Variants in PCDHA6 observed in about 807,000 individuals in gnomAD.
PCDHA6 encodes the protein protocadherin alpha 6.
PCDHA6 carries 55 observed loss-of-function variants against 60.3 expected under a neutral mutation model. That is an observed-to-expected ratio of 0.91 (90% confidence interval 0.73 to 1.14). PCDHA6 has a LOEUF of 1.14. PCDHA6 is among the 50% of genes most tolerant of loss of function. The probability of loss-of-function intolerance (pLI) is 0.00; values close to 1 mark genes in which losing one functional copy is unlikely to be tolerated. For missense variants in PCDHA6, 1,327 were observed against 1,256.5 expected (o/e 1.06, Z -0.85); for synonymous variants, 652 against 557.9 (o/e 1.17, Z -2.38).
At chr5:140,883,759 G>A (rs1554179777) in intron 1 of PCDHA6, 1 of 1,612,704 alleles carries the variant, frequency 6.2e-7, no homozygotes, top group African/African-American at 1.3e-5. Context: ...TGGTGGAGCG[G>A]CGGGTGGGCG....
At chr5:140,856,271 G>A (rs782472888) in intron 1 of PCDHA6, 1 of 1,598,148 alleles carries the variant, frequency 6.3e-7, no homozygotes, top group Admixed American at 1.7e-5. Flanking sequence ...GGACCTTCTG[G>A]AGGTAAATCT....
intron 1 of PCDHA6, chr5:140,926,693 C>G (rs576013331): frequency 3.9e-4 from 291 of 742,942 alleles, no homozygotes; most frequent in Non-Finnish European, 5.0e-4. Flanking sequence ...CTAGCAAGCC[C>G]GGCTCCCAGC....
chr5:140,988,578 C>A (rs1490917539), intron 3 of PCDHA6, among the ~76,000 whole-genome samples: 1 of 152,138 alleles, frequency 6.6e-6, no homozygotes, highest in African/African-American at 2.4e-5. Context: ...ACACTCTGTA[C>A]CTTCCACTTT....
At chr5:140,969,535 T>C (rs1221394283) in intron 1 of PCDHA6, 27 of 1,341,822 alleles carry the variant, frequency 2.0e-5, no homozygotes, top group Non-Finnish European at 2.5e-5. Flanking sequence ...TTTTTCATTT[T>C]CAGAGGCATG....
intron 1 of PCDHA6, among the ~76,000 whole-genome samples, chr5:140,965,996 A>G (rs2095956267): frequency 6.6e-6 from 1 of 152,102 alleles, no homozygotes; most frequent in South Asian, 2.1e-4. Context: ...TGCAGTACTT[A>G]AGAGTGTCCA....
chr5:140,887,335 A>G (rs1360547523), intron 1 of PCDHA6, among the ~76,000 whole-genome samples: 1 of 152,102 alleles, frequency 6.6e-6, no homozygotes, highest in African/African-American at 2.4e-5. Flanking sequence ...TGACCTCGTG[A>G]TCCACCTGGC....
At chr5:140,941,150 G>T (rs894422349) in intron 1 of PCDHA6, among the ~76,000 whole-genome samples, 1 of 151,436 alleles carries the variant, frequency 6.6e-6, no homozygotes, top group Non-Finnish European at 1.5e-5. Context: ...TAGTTTGGAG[G>T]CCCCATAAGA....
intron 1 of PCDHA6, chr5:140,869,245 A>G: frequency 1.2e-6 from 2 of 1,613,628 alleles, no homozygotes; most frequent in Non-Finnish European, 1.7e-6. Context: ...CGTGGGCCGC[A>G]TCGCGCAGGA....
In PCDHA6 at chr5:140,914,736, T is replaced by C. The variant is rs76155363; in HGVS notation, c.2395-64213T>C. Among the ~76,000 whole-genome samples, 1,216 of 152,300 alleles carry C rather than the reference T, an allele frequency of 8.0e-3. 6 individuals are homozygous for C. Among genetic ancestry groups the C allele is most frequent in the African/African-American group, 0.019 (785 of 41,570 alleles). On this transcript the variant is annotated intron_variant, in intron 1 of 3. Transcript: ENST00000529310. ...TTTTTTATTTTTTGTGTATCCATTG[T>C]ATGTTTTTCCATTTGAGGTTACATG...
At chr5:140,889,910 T>C (rs1554184095) in intron 1 of PCDHA6, among the ~76,000 whole-genome samples, 1 of 152,156 alleles carries the variant, frequency 6.6e-6, no homozygotes, top group East Asian at 1.9e-4. Flanking sequence ...GAGATTGTCA[T>C]ACTGTAAAGA....
intron 1 of PCDHA6, among the ~76,000 whole-genome samples, chr5:140,961,560 AT>A (rs1223583703): frequency 1.4e-4 from 22 of 152,140 alleles, no homozygotes; most frequent in African/African-American, 4.6e-4. Flanking sequence ...CTTTTTTTAA[AT>A]TTTGTTTTGA....
intron 1 of PCDHA6, among the ~76,000 whole-genome samples, chr5:140,965,277 G>A (rs1209263426): frequency 6.6e-6 from 1 of 152,196 alleles, no homozygotes; most frequent in African/African-American, 2.4e-5. Context: ...CAATGACACA[G>A]CATGGAAAGA....
intron 1 of PCDHA6, among the ~76,000 whole-genome samples, chr5:140,962,257 A>C (rs915555866): frequency 6.6e-6 from 1 of 152,174 alleles, no homozygotes; most frequent in Admixed American, 6.5e-5. Context: ...AATGAAAAAT[A>C]ATTTTATAAT....
At chr5:140,936,163 G>A (rs2090818025) in intron 1 of PCDHA6, among the ~76,000 whole-genome samples, 1 of 152,090 alleles carries the variant, frequency 6.6e-6, no homozygotes, top group African/African-American at 2.4e-5. Flanking sequence ...AAAGTGCTGG[G>A]ATTAGAGGCC....
chr5:141,005,659 G>A (rs963015988), intron 3 of PCDHA6, among the ~76,000 whole-genome samples: 2 of 123,926 alleles, frequency 1.6e-5, no homozygotes, highest in South Asian at 2.6e-4. Flanking sequence ...TCGAGATCGC[G>A]CCACTGCACT....
chr5:141,000,112 C>T (rs1404445521), intron 3 of PCDHA6, among the ~76,000 whole-genome samples: 1 of 152,128 alleles, frequency 6.6e-6, no homozygotes. Flanking sequence ...CGTCTCTTCC[C>T]TCATCCCCAA....
chr5:140,833,215 A>G (rs1317399429), intron 1 of PCDHA6, among the ~76,000 whole-genome samples: 1 of 152,200 alleles, frequency 6.6e-6, no homozygotes, highest in Non-Finnish European at 1.5e-5. Context: ...ATAGGAATGG[A>G]CAGGTTACAC....
chr5:140,968,932 A>G, intron 1 of PCDHA6: 3 of 1,614,164 alleles, frequency 1.9e-6, no homozygotes, highest in Non-Finnish European at 2.5e-6. Flanking sequence ...TTCTTTTGAC[A>G]ATCATCATTT....
At chr5:140,982,252 C>A in intron 2 of PCDHA6, 2 of 770,940 alleles carry the variant, frequency 2.6e-6, no homozygotes, top group South Asian at 2.6e-5. Flanking sequence ...AAAGATAGAA[C>A]ATGTGTGTTC....
Sources: gnomAD v4.1 joint callset for allele counts (sites outside exome capture counted in the v4.1 genomes callset) on GRCh38, gnomAD v4.1.1 for gene constraint, MANE v1.5 for transcripts, NCBI Gene and HGNC (gene_info 2026-07-23, HGNC 2026-07-21) for gene names.